PPP1R9A: variants seen among roughly 807,000 people sequenced by gnomAD.
PPP1R9A encodes the protein protein phosphatase 1 regulatory subunit 9A.
PPP1R9A carries 59 observed loss-of-function variants against 141.9 expected under a neutral mutation model. That is an observed-to-expected ratio of 0.42 (90% CI 0.34 to 0.52). The LOEUF (loss-of-function observed/expected upper bound fraction) is 0.52, where lower values mean the gene tolerates loss of function less well. Ranked by LOEUF, PPP1R9A falls within the 20% of genes least tolerant of loss-of-function variation. PPP1R9A has a pLI of 0.10. For missense variants in PPP1R9A, 1,444 were observed against 1,611.9 expected, an observed-to-expected ratio of 0.90 and a Z score of 1.78; for synonymous variants, 500 against 569.7, an observed-to-expected ratio of 0.88 and a Z score of 1.74.
intron 2 of PPP1R9A, among the ~76,000 whole-genome samples, chr7:94,949,572 A>C (rs115008163): frequency 1.3e-5 from 2 of 152,124 alleles, no homozygotes; most frequent in Non-Finnish European, 2.9e-5. Flanking sequence ...TTTAGAGACT[A>C]TGAAGCCTCT....
chr7:95,039,776 T>G (rs975666163), intron 2 of PPP1R9A, among the ~76,000 whole-genome samples: 4 of 152,036 alleles, frequency 2.6e-5, no homozygotes, highest in Middle Eastern at 3.2e-3. Flanking sequence ...TGTGGATCAA[T>G]TTTTAAAGGT....
At position 95,226,065 on chromosome 7, in the gene PPP1R9A, G is replaced by T. The variant is rs200781575; in HGVS notation, c.2061G>T (p.Met687Ile). The change falls in exon 8 of 20, where the codon ATG (methionine) becomes ATT (isoleucine). Residue 687 changes from methionine (M) to isoleucine (I), a missense_variant. Transcript: ENST00000433360. ...EVFELPENEDMFSPSELDTSK... is the reference protein window; with the variant it reads ...EVFELPENEDIFSPSELDTSK... The stretch of plus-strand genomic sequence containing the variant: ...TTGAGCTGCCTGAGAATGAGGACAT[G>T]TTTTCCCCATCAGAACTGGACACAA... The T allele has an allele frequency of 6.2e-7, 1 of 1,613,620 alleles. No homozygotes were observed. The highest frequency in any genetic ancestry group is 1.1e-5 in the South Asian group (1 of 91,058).
chr7:95,009,507 C>G (rs1389806475), intron 2 of PPP1R9A, among the ~76,000 whole-genome samples: 1 of 152,130 alleles, frequency 6.6e-6, no homozygotes, highest in Admixed American at 6.6e-5. Flanking sequence ...TAGCACTTCT[C>G]TAGACCCATC....
At chr7:94,920,444 C>T (rs966599967) in intron 2 of PPP1R9A, among the ~76,000 whole-genome samples, 14 of 151,808 alleles carry the variant, frequency 9.2e-5, no homozygotes, top group African/African-American at 3.1e-4. Flanking sequence ...AAGAAGACAG[C>T]GAAATACAGT....
At chr7:95,161,691 A>G (rs1408472409) in intron 4 of PPP1R9A, among the ~76,000 whole-genome samples, 176 bp from the exon 5 acceptor site, 1 of 152,210 alleles carries the variant, frequency 6.6e-6, no homozygotes, top group Non-Finnish European at 1.5e-5. Flanking sequence ...TGAATCCACA[A>G]ATGTGGAACC....
At chr7:95,187,551 G>C (rs909403288) in intron 5 of PPP1R9A, among the ~76,000 whole-genome samples, 3 of 151,696 alleles carry the variant, frequency 2.0e-5, no homozygotes, top group Non-Finnish European at 4.4e-5. Context: ...CTTCTGCTGG[G>C]TTTGGATTTT....
chr7:95,143,213 G>A (rs958231623), intron 4 of PPP1R9A, among the ~76,000 whole-genome samples: 18 of 151,958 alleles, frequency 1.2e-4, no homozygotes, highest in East Asian at 3.9e-4. Context: ...ATGAACTGTC[G>A]TATCTTCCTA....
chr7:95,055,357 A>C (rs2152032365), intron 2 of PPP1R9A, among the ~76,000 whole-genome samples: 1 of 148,626 alleles, frequency 6.7e-6, no homozygotes, highest in Middle Eastern at 3.4e-3. Flanking sequence ...AAAACTTCAA[A>C]ATTCTTAACC....
At chr7:95,286,175 A>G in intron 17 of PPP1R9A, 31 bp from the exon 18 acceptor site, 1 of 1,609,728 alleles carries the variant, frequency 6.2e-7, no homozygotes, top group East Asian at 2.2e-5. Flanking sequence ...CACTGCACTC[A>G]TTTAACACTG....
chr7:95,212,101 A>G (rs999667518), intron 7 of PPP1R9A, among the ~76,000 whole-genome samples: 1 of 152,206 alleles, frequency 6.6e-6, no homozygotes, highest in Non-Finnish European at 1.5e-5. Context: ...GAATTTTTAT[A>G]TATTTAAATG....
Position 94,972,150 on chromosome 7 carries a change from C to CA in PPP1R9A, c.1395+60643dup, listed in dbSNP as rs540876998. Among the ~76,000 whole-genome samples the CA allele has an allele frequency of 9.2e-5, 14 of 152,294 alleles. No individual in the cohort carries two copies. In the East Asian group the frequency reaches 2.7e-3, roughly 29 times the overall value. ...AATGCCTAATTTTAATTCATAAAAG[C>CA]AGTTGTCTGTTTTTTCATACAACCT... On this transcript the variant is annotated intron_variant, in intron 2 of 19. Coordinates refer to ENST00000433360, the MANE Select transcript of PPP1R9A (RefSeq NM_001166160.2).
chr7:95,001,471 A>G (rs891955237), intron 2 of PPP1R9A, among the ~76,000 whole-genome samples: 2 of 152,228 alleles, frequency 1.3e-5, no homozygotes, highest in African/African-American at 4.8e-5. Flanking sequence ...ATGGTAAATG[A>G]GAGCCTGTAA....
rs1417277103 is a variant in PPP1R9A at position 95,133,760 on chromosome 7, G to C, written c.1649+12928G>C. ...CACCCAGGCTGGAGTGCAGTGGCAT[G>C]ATCTTGGCTCACTGCAACCTCCACC... On this transcript the variant is annotated intron_variant, in intron 4 of 19. Transcript: ENST00000433360. Among the ~76,000 whole-genome samples the C allele has an allele frequency of 2.6e-5, 4 of 151,952 alleles. No homozygotes were observed. In the East Asian group the frequency reaches 7.7e-4, roughly 29 times the overall value.
rs148187607 is a variant in PPP1R9A at position 95,005,383 on chromosome 7, G to A, written c.1395+93875G>A. On this transcript the variant is annotated intron_variant, in intron 2 of 19. Transcript: ENST00000433360. ...TAACAGTTTAAAAAAACTAATGACTGGAACATTAGTATTGAACTTTTGTCT... is the reference window on the plus strand; with the variant it reads ...TAACAGTTTAAAAAAACTAATGACTAGAACATTAGTATTGAACTTTTGTCT... Among the ~76,000 whole-genome samples the A allele has an allele frequency of 4.7e-3, 718 of 151,966 alleles. 1 individual carries two copies. Among genetic ancestry groups the A allele is most frequent in the Non-Finnish European group, 8.3e-3 (562 of 67,934 alleles).
intron 2 of PPP1R9A, among the ~76,000 whole-genome samples, chr7:94,914,462 G>C (rs1791824113): frequency 6.6e-6 from 1 of 152,138 alleles, no homozygotes; most frequent in Non-Finnish European, 1.5e-5. Context: ...TGGTCAGACT[G>C]TATTGCCAGC....
At chr7:94,934,828 A>G (rs1312320013) in intron 2 of PPP1R9A, among the ~76,000 whole-genome samples, 2 of 150,794 alleles carry the variant, frequency 1.3e-5, no homozygotes, top group Non-Finnish European at 1.5e-5. Flanking sequence ...ACACACATAC[A>G]TGTATATGTA....
At chr7:95,092,547 A>G (rs1817502635) in intron 2 of PPP1R9A, among the ~76,000 whole-genome samples, 1 of 152,144 alleles carries the variant, frequency 6.6e-6, no homozygotes, top group South Asian at 2.1e-4. Flanking sequence ...TGAATGAATG[A>G]AGTACATATT....
At chr7:95,159,720 A>G (rs1179424360) in intron 4 of PPP1R9A, among the ~76,000 whole-genome samples, 1 of 151,956 alleles carries the variant, frequency 6.6e-6, no homozygotes, top group Non-Finnish European at 1.5e-5. Flanking sequence ...TCAGGAGTTC[A>G]AGACCAGCCT....
At chr7:95,161,784 G>T in intron 4 of PPP1R9A, 83 bp from the exon 5 acceptor site, 1 of 865,502 alleles carries the variant, frequency 1.2e-6, no homozygotes, top group Non-Finnish European at 1.8e-6. Context: ...CACATATTTT[G>T]TCAACTGATT....
Sources: gnomAD v4.1 joint callset for allele counts (sites outside exome capture counted in the v4.1 genomes callset) on GRCh38, gnomAD v4.1.1 for gene constraint, MANE v1.5 for transcripts, NCBI Gene and HGNC (gene_info 2026-07-23, HGNC 2026-07-21) for gene names.